Variants in FAT2 observed in about 807,000 individuals in gnomAD.
FAT2 encodes protocadherin Fat 2.
In FAT2, 150 loss-of-function variants were observed where a neutral mutation model predicts 295.3. That is an observed-to-expected ratio of 0.51 (90% CI 0.44 to 0.58). FAT2 has a LOEUF of 0.58. Ranked by LOEUF, FAT2 falls within the 20% of genes least tolerant of loss-of-function variation. The probability of loss-of-function intolerance (pLI) is 0.00; values close to 1 mark genes in which losing one functional copy is unlikely to be tolerated. For synonymous variants in FAT2, 2,026 were observed against 2,150.3 expected (o/e 0.94, Z 1.60); for missense variants, 4,868 against 5,442.7 (o/e 0.89, Z 3.32).
At position 151,543,693 on chromosome 5, in the gene FAT2, G is replaced by A. The variant is rs769766314; in HGVS notation, c.7434C>T (p.Ser2478=). The A allele has an allele frequency of 6.2e-7, 1 of 1,614,188 alleles. No individual in the cohort carries two copies. The highest frequency in any genetic ancestry group is 1.3e-5 in the African/African-American group (1 of 75,038). The change falls in exon 10 of 24, where the codon AGC becomes AGT. Residue 2478 remains serine (S), a synonymous_variant. Coordinates refer to ENST00000261800, the MANE Select transcript of FAT2 (RefSeq NM_001447.3). Reference sequence around the variant, plus strand: ...CATAAAGGTGCTGCTGGAACTCTGGGCTGTACTTGTTGGCATTTGTAGTGT... The same window carrying A: ...CATAAAGGTGCTGCTGGAACTCTGGACTGTACTTGTTGGCATTTGTAGTGT... ...YINTTNANKY[S]PEFQQHLYEA...
chr5:151,513,940 C>T (rs2127572297), intron 20 of FAT2, among the ~76,000 whole-genome samples: 1 of 152,242 alleles, frequency 6.6e-6, no homozygotes, highest in African/African-American at 2.4e-5. Context: ...GTAAAAAGTC[C>T]TGAAGTCAAA....
chr5:151,540,511 C>G lies in FAT2; in HGVS notation c.9039+56G>C. 2.0e-6 allele frequency: 3 copies of G among 1,519,584 alleles called. No individual in the cohort carries two copies. The East Asian group carries it at 6.9e-5, about 35-fold the overall frequency. The allele number at this position is 1,519,584 out of a possible 1,614,324, so 94.1% of individuals were successfully genotyped here. ...CTCCTCACTCTCTGTTCTCCCACCC[C>G]TCACTCTTATCTTCCTTGCCTTCAC... On this transcript the variant is annotated intron_variant, in intron 11 of 23. Coordinates refer to ENST00000261800, the MANE Select transcript of FAT2 (RefSeq NM_001447.3).
chr5:151,561,157 C>T (rs1342872072), intron 3 of FAT2, among the ~76,000 whole-genome samples: 2 of 152,200 alleles, frequency 1.3e-5, no homozygotes, highest in African/African-American at 4.8e-5. Flanking sequence ...GAAAGAACAG[C>T]TAGGCTGGAA....
chr5:151,577,527 C>T lies in FAT2; in HGVS notation c.-20-8576G>A, dbSNP rs140096651. Among the ~76,000 whole-genome samples, 12 of 152,058 alleles carry T rather than the reference C, an allele frequency of 7.9e-5. No individual in the cohort carries two copies. The East Asian group carries it at 2.1e-3, about 27-fold the overall frequency. On this transcript the variant is annotated intron_variant, in intron 1 of 23. Coordinates refer to ENST00000261800, the MANE Select transcript of FAT2 (RefSeq NM_001447.3). ...GGTGATGAAAAGCGATATAAAGAAACGTTATGTGGGGCAAGGGGTAGAGCA... is the reference window on the plus strand; with the variant it reads ...GGTGATGAAAAGCGATATAAAGAAATGTTATGTGGGGCAAGGGGTAGAGCA...
intron 6 of FAT2, among the ~76,000 whole-genome samples, chr5:151,552,429 C>A (rs573400557): frequency 1.3e-4 from 20 of 152,316 alleles, no homozygotes; most frequent in African/African-American, 4.6e-4. Context: ...ATATCCTATC[C>A]TACTCTTAGC....
chr5:151,516,998 C>T (rs916015002), intron 20 of FAT2, among the ~76,000 whole-genome samples: 1 of 151,936 alleles, frequency 6.6e-6, no homozygotes, highest in African/African-American at 2.4e-5. Context: ...ATCCCAACTA[C>T]TCGGGAAGCT....
intron 18 of FAT2, among the ~76,000 whole-genome samples, chr5:151,525,084 A>C (rs1331957711): frequency 6.6e-6 from 1 of 152,226 alleles, no homozygotes; most frequent in African/African-American, 2.4e-5. Flanking sequence ...CCTCGCATGT[A>C]GTAGATGCTC....
At position 151,565,675 on chromosome 5, in the gene FAT2, G is replaced by A; in HGVS notation, c.3257C>T (p.Thr1086Ile). Residue 1086 changes from threonine to isoleucine, a missense_variant and splice_region_variant, in exon 2 of 24, where the codon ACA becomes ATA. Thr to Ile is a moderately conservative substitution (Grantham distance 89). Around this residue, in one of 5 missense-constraint regions of FAT2, gnomAD observed 3,297 missense variants for 3,669.4 expected, o/e 0.90. Transcript: ENST00000261800. ...GLAAFSINQD[T>I]GMIQTLAPLD... is the part of the protein sequence containing the mutation. ...CCACCCTACCCCACCCCCAGTACCT[G>A]TATCTTGGTTGATGCTGAAGGCTGC... 7.9e-7 allele frequency: 1 copy of A among 1,270,642 alleles called. No individual in the cohort carries two copies. Among genetic ancestry groups the A allele is most frequent in the Non-Finnish European group, 1.1e-6 (1 of 944,570 alleles). 78.7% of individuals were successfully genotyped at this position (1,270,642 alleles called of 1,614,324 possible).
Position 151,568,585 on chromosome 5 carries a change from G to T in FAT2, c.347C>A (p.Thr116Asn). 6.2e-7 allele frequency: 1 copy of T among 1,614,138 alleles called. No homozygotes were observed. The highest frequency in any genetic ancestry group is 8.5e-7 in the Non-Finnish European group (1 of 1,180,020). The change falls in exon 2 of 24, where the codon ACC (threonine) becomes AAC (asparagine). Residue 116 changes from threonine to asparagine, a missense_variant. This residue lies in a region of FAT2 where 3,297 missense variants were observed against 3,669.4 expected (regional missense o/e 0.90). Coordinates refer to ENST00000261800, the MANE Select transcript of FAT2 (RefSeq NM_001447.3). ...CTTCTCTGTGGCTTGGATGATGAGGGTGTAGCTGTCTCGCACCTCTCTGTT... is the reference window on the plus strand; with the variant it reads ...CTTCTCTGTGGCTTGGATGATGAGGTTGTAGCTGTCTCGCACCTCTCTGTT... ...LLNREVRDSY[T>N]LIIQATEKTL...
chr5:151,510,308 A>G, intron 21 of FAT2, 134 bp from the exon 22 acceptor site: 4 of 1,040,116 alleles, frequency 3.8e-6, no homozygotes, highest in Non-Finnish European at 4.2e-6. Context: ...TCTGTGCCCA[A>G]TACCGTGCTG....
chr5:151,567,588 A>G lies in FAT2; in HGVS notation c.1344T>C (p.Ile448=). ...GQASTVVVID[I]VDCNNHAPLF... ...GGGGGGCATGGTTGTTGCAGTCCAC[A>G]ATGTCAATGACCACCACGGTGGAGG... Residue 448 remains isoleucine (I), a synonymous_variant, in exon 2 of 24, where the codon ATT becomes ATC. Transcript: ENST00000261800. The G allele has an allele frequency of 6.2e-7, 1 of 1,614,184 alleles. No individual in the cohort carries two copies. Among genetic ancestry groups the G allele is most frequent in the Non-Finnish European group, 8.5e-7 (1 of 1,180,052 alleles).
chr5:151,590,222 A>T (rs1431954701), intron 1 of FAT2, among the ~76,000 whole-genome samples: 1 of 152,220 alleles, frequency 6.6e-6, no homozygotes, highest in Non-Finnish European at 1.5e-5. Flanking sequence ...GCAGGGCTGA[A>T]GGACTAGAAG....
At chr5:151,539,768 T>G (rs1256010554) in intron 11 of FAT2, among the ~76,000 whole-genome samples, 1 of 152,222 alleles carries the variant, frequency 6.6e-6, no homozygotes, top group Non-Finnish European at 1.5e-5. Flanking sequence ...GGTTTATGCC[T>G]CTAGGAACAC....
chr5:151,538,357 G>A (rs1463523600), intron 11 of FAT2, among the ~76,000 whole-genome samples: 1 of 152,186 alleles, frequency 6.6e-6, no homozygotes, highest in Non-Finnish European at 1.5e-5. Flanking sequence ...TCTGGAAGGT[G>A]TCAGGTCAAC....
intron 10 of FAT2, among the ~76,000 whole-genome samples, chr5:151,541,089 T>C (rs1200886088): frequency 1.3e-5 from 2 of 152,232 alleles, no homozygotes; most frequent in African/African-American, 2.4e-5. Flanking sequence ...TCTATATAAA[T>C]GTCTAAGATG....
intron 3 of FAT2, among the ~76,000 whole-genome samples, chr5:151,561,704 T>C (rs966007371): frequency 9.2e-5 from 14 of 152,184 alleles, no homozygotes; most frequent in African/African-American, 3.4e-4. Context: ...TGACTTTAGC[T>C]TAAGAGCACA....
chr5:151,525,678 T>G, intron 18 of FAT2, 90 bp downstream of exon 18: 1 of 1,452,408 alleles, frequency 6.9e-7, no homozygotes, highest in Non-Finnish European at 9.6e-7. Flanking sequence ...TTTGTACATT[T>G]TTTCCCTAAT....
chr5:151,548,885 T>C (rs1223237073), intron 9 of FAT2, among the ~76,000 whole-genome samples: 1 of 152,216 alleles, frequency 6.6e-6, no homozygotes, highest in Non-Finnish European at 1.5e-5. Flanking sequence ...ACCCATAAAA[T>C]AGATACTAAA....
chr5:151,549,922 C>T (rs143196133), intron 8 of FAT2, among the ~76,000 whole-genome samples: 4 of 152,288 alleles, frequency 2.6e-5, no homozygotes, highest in East Asian at 1.9e-4. Context: ...GCCTTGAATA[C>T]GTATTATATG....
Sources: allele counts gnomAD v4.1 joint callset (sites outside exome capture counted in the v4.1 genomes callset), GRCh38; gene constraint gnomAD v4.1.1; regional missense constraint gnomAD v4.1.1; transcripts MANE v1.5; gene names NCBI Gene and HGNC (gene_info 2026-07-23, HGNC 2026-07-21).